The following NOP2 variants were observed in gnomAD, a reference collection of about 807,000 sequenced individuals.
NOP2 encodes the protein NOP2 nucleolar protein.
Under a neutral mutation model 72.7 loss-of-function variants are expected in NOP2, and 7 were observed. That is an observed-to-expected ratio of 0.10 (90% CI 0.05 to 0.18). NOP2 has a LOEUF of 0.18. NOP2 is among the 10% of genes least tolerant of loss of function. NOP2 has a pLI of 1.00. For synonymous variants in NOP2, 387 were observed against 388.0 expected (o/e 1.00, Z 0.03); for missense variants, 954 against 1,014.7 (o/e 0.94, Z 0.81).
At chr12:6,565,433 C>T (rs993635332) in intron 5 of NOP2, among the ~76,000 whole-genome samples, 11 of 152,088 alleles carry the variant, frequency 7.2e-5, no homozygotes, top group Admixed American at 6.5e-4. Context: ...CTCCGCCTCA[C>T]AGGTTCAAGC....
rs1289655815 is a variant in NOP2 at position 6,556,918 on chromosome 12, G to C, written c.*75C>G. The C allele has an allele frequency of 6.5e-7, 1 of 1,536,022 alleles. No individual in the cohort carries two copies. The highest frequency in any genetic ancestry group is 1.4e-5 in the African/African-American group (1 of 72,234). ...AAATTTCATGGGTATGCACAGTAGAGAAGGCATCCTCACAGAGGCAAGAGT... is the reference window on the plus strand; with the variant it reads ...AAATTTCATGGGTATGCACAGTAGACAAGGCATCCTCACAGAGGCAAGAGT... On this transcript the variant is annotated 3_prime_UTR_variant, in exon 16 of 16. Transcript: ENST00000322166.
rs200554885 is a variant in NOP2 at position 6,556,881 on chromosome 12, A to G, written c.*112T>C. On this transcript the variant is annotated 3_prime_UTR_variant, in exon 16 of 16. Coordinates refer to ENST00000322166, the MANE Select transcript of NOP2 (RefSeq NM_001258308.2). ...AAAATACTCAGTGGCCAGAGGTTTT[A>G]AAATGTGTATTAAATTTCATGGGTA... The G allele has an allele frequency of 7.7e-6, 10 of 1,293,518 alleles. No homozygotes were observed. In the African/African-American group the frequency reaches 1.2e-4, roughly 16 times the overall value. 80.1% of individuals were successfully genotyped at this position (1,293,518 alleles called of 1,614,324 possible).
intron 11 of NOP2, among the ~76,000 whole-genome samples, 187 bp downstream of exon 11, chr12:6,561,477 C>T (rs1239884401): frequency 6.6e-6 from 1 of 152,194 alleles, no homozygotes; most frequent in Non-Finnish European, 1.5e-5. Context: ...AAAGAGAATC[C>T]ATAGTCAGAT....
intron 8 of NOP2, 42 bp downstream of exon 8, chr12:6,563,273 C>T (rs770291509): frequency 1.3e-5 from 20 of 1,554,574 alleles, no homozygotes; most frequent in South Asian, 9.5e-5. Context: ...CGTAAGGAGG[C>T]GAGAAAAGAA....
intron 5 of NOP2, among the ~76,000 whole-genome samples, chr12:6,564,535 C>T (rs1947730609): frequency 6.6e-6 from 1 of 151,788 alleles, no homozygotes; most frequent in African/African-American, 2.4e-5. Context: ...TCAAATGATT[C>T]TCCTGCCTCA....
In NOP2 at chr12:6,563,521, C is replaced by T. The variant is rs773195272; in HGVS notation, c.689-7G>A. ...AGGTCTGGAGCCTGGGCATGTGGGC[C>T]TGTTAAGGAACTGTGTCATGATGTC... On this transcript the variant is annotated splice_region_variant and splice_polypyrimidine_tract_variant and intron_variant, in intron 7 of 15. Transcript: ENST00000322166. 5 of 1,612,570 alleles carry T rather than the reference C, an allele frequency of 3.1e-6. No individual in the cohort carries two copies. The South Asian group carries it at 5.5e-5, about 18-fold the overall frequency.
chr12:6,565,497 C>T (rs1180765959), intron 5 of NOP2, among the ~76,000 whole-genome samples: 1 of 151,582 alleles, frequency 6.6e-6, no homozygotes, highest in Non-Finnish European at 1.5e-5. Flanking sequence ...TATACCACCA[C>T]ACCAGCTAAT....
intron 5 of NOP2, chr12:6,564,257 CAGAG>C: frequency 7.1e-6 from 1 of 141,074 alleles, no homozygotes; most frequent in South Asian, 9.1e-5. Context: ...GCCTGGGCAA[CAGAG>C]AAAGACTTCA....
intron 5 of NOP2, among the ~76,000 whole-genome samples, chr12:6,564,737 C>CA (rs1947734961): frequency 1.4e-5 from 2 of 138,082 alleles, no homozygotes; most frequent in African/African-American, 5.4e-5. Context: ...CCCATTTTGT[C>CA]GTTTTTTTTT....
intron 5 of NOP2, among the ~76,000 whole-genome samples, chr12:6,564,947 C>A (rs1947740412): frequency 1.3e-5 from 2 of 152,016 alleles, no homozygotes; most frequent in Non-Finnish European, 2.9e-5. Flanking sequence ...CCACATGGTG[C>A]CTGCAAACCT....
At chr12:6,563,815 G>C (rs1038322443) in intron 6 of NOP2, 44 bp from the exon 7 acceptor site, 11 of 1,612,586 alleles carry the variant, frequency 6.8e-6, no homozygotes, top group Non-Finnish European at 9.3e-6. Context: ...GACCAAAACA[G>C]ATACCTCCTC....
chr12:6,564,446 TGA>T (rs1947728856), intron 5 of NOP2: 2 of 162,538 alleles, frequency 1.2e-5, no homozygotes, highest in Non-Finnish European at 2.7e-5. Context: ...ATATTTTTTT[TGA>T]GAGAAGTCTC....
In NOP2 at chr12:6,560,713, G is replaced by A. The variant is rs766077356; in HGVS notation, c.1422C>T (p.Ala474=). The A allele has an allele frequency of 4.3e-6, 7 of 1,613,406 alleles. No homozygotes were observed. Among genetic ancestry groups the A allele is most frequent in the Admixed American group, 3.3e-5 (2 of 59,952 alleles). Residue 474 remains alanine (A), a synonymous_variant, in exon 13 of 16, where the codon GCC becomes GCT. Coordinates refer to ENST00000322166, the MANE Select transcript of NOP2 (RefSeq NM_001258308.2). The surrounding 1 kb of genome is among the most constrained non-coding windows in gnomAD (Gnocchi z 5.0). ...GACTCCTCACCTTGTTAGTCTTCAC[G>A]GCTGGATCCTTGGAGATGACCCCAG... ...SGTGVISKDP[A]VKTNKDEKDI...
Position 6,556,932 on chromosome 12 carries a change from A to C in NOP2, c.*61T>G. 6 of 1,586,518 alleles carry C rather than the reference A, an allele frequency of 3.8e-6. No homozygotes were observed. Among genetic ancestry groups the C allele is most frequent in the African/African-American group, 1.4e-5 (1 of 73,662 alleles). On this transcript the variant is annotated 3_prime_UTR_variant, in exon 16 of 16. Transcript: ENST00000322166. ...TGCACAGTAGAGAAGGCATCCTCAC[A>C]GAGGCAAGAGTTCCAACCTGGTGAC...
chr12:6,561,034 T>A lies in NOP2; in HGVS notation c.1244A>T (p.Asn415Ile). The A allele has an allele frequency of 1.2e-6, 2 of 1,613,952 alleles. No individual in the cohort carries two copies. Among genetic ancestry groups the A allele is most frequent in the African/African-American group, 1.3e-5 (1 of 75,020 alleles). The change falls in exon 12 of 16, where the codon AAT becomes ATT. Residue 415 changes from asparagine to isoleucine, a missense_variant. Asn to Ile is a moderately radical substitution (Grantham distance 149). Transcript: ENST00000322166. ...CTTGAGCCGCTCAGCATTGGCGTCA[T>A]TGGCAAGGATCACACCCGTGTTCTT... ...LMKNTGVILA[N>I]DANAERLKSV...
intron 3 of NOP2, 50 bp from the exon 4 acceptor site, chr12:6,566,667 C>T: frequency 6.3e-7 from 1 of 1,596,566 alleles, no homozygotes; most frequent in Non-Finnish European, 8.6e-7. Context: ...AAGATACTTC[C>T]AGGCTCTGCC....
At chr12:6,561,099 C>A (rs1362479255) in intron 11 of NOP2, 29 bp from the exon 12 acceptor site, 1 of 1,610,182 alleles carries the variant, frequency 6.2e-7, no homozygotes, top group South Asian at 1.1e-5. Flanking sequence ...CAGTGCTGAT[C>A]AGCCAGTTCC....
At chr12:6,568,084 T>G in intron 1 of NOP2, 123 bp downstream of exon 1, 2 of 609,232 alleles carry the variant, frequency 3.3e-6, no homozygotes, top group Non-Finnish European at 5.8e-6. Context: ...GCACCCCCGC[T>G]ATCCCCCTGG....
chr12:6,562,057 C>A, intron 9 of NOP2, 86 bp from the exon 10 acceptor site: 1 of 980,010 alleles, frequency 1.0e-6, no homozygotes, highest in South Asian at 1.4e-5. Context: ...GGCGCAATCT[C>A]GGCTCACAGC....
Sources: gnomAD v4.1 joint callset for allele counts (sites outside exome capture counted in the v4.1 genomes callset) on GRCh38, gnomAD v4.1.1 for gene constraint, Gnocchi (gnomAD v3.1) non-coding constraint, MANE v1.5 for transcripts, NCBI Gene and HGNC (gene_info 2026-07-23, HGNC 2026-07-21) for gene names.